CYB5R3: variants seen among roughly 807,000 people sequenced by gnomAD.
CYB5R3 encodes NADH-cytochrome b5 reductase 3.
In CYB5R3, 28 loss-of-function variants were observed where a neutral mutation model predicts 36.5. The ratio of observed to expected loss-of-function variants is 0.77; its 90% CI spans 0.57 to 1.05. The LOEUF is 1.05. Ranked by LOEUF, CYB5R3 falls within the 50% of genes least tolerant of loss-of-function variation. The probability of loss-of-function intolerance (pLI) is 0.00; values close to 1 mark genes in which losing one functional copy is unlikely to be tolerated. For missense variants in CYB5R3, 474 were observed against 408.9 expected (o/e 1.16, Z -1.37); for synonymous variants, 181 against 159.8 (o/e 1.13, Z -1.00).
At chr22:42,624,374 T>C (rs1928155060) in intron 7 of CYB5R3, among the ~76,000 whole-genome samples, 2 of 152,138 alleles carry the variant, frequency 1.3e-5, no homozygotes, top group African/African-American at 4.8e-5. Context: ...ATTCAGGTTG[T>C]ACCTCCAGAA....
intron 4 of CYB5R3, 60 bp from the exon 5 acceptor site, chr22:42,628,341 C>T: frequency 5.0e-6 from 8 of 1,605,556 alleles, no homozygotes; most frequent in Non-Finnish European, 6.8e-6. Flanking sequence ...CGAGCTCTTG[C>T]CCACAGTGGG....
chr22:42,628,114 A>G (rs1928391550), intron 5 of CYB5R3, 38 bp downstream of exon 5: 4 of 1,612,926 alleles, frequency 2.5e-6, no homozygotes, highest in Middle Eastern at 1.7e-4. Context: ...CAATTCTCTG[A>G]GCCTGCCGTG....
At chr22:42,636,983 A>G in intron 1 of CYB5R3, 137 bp from the exon 2 acceptor site, 1 of 1,250,660 alleles carries the variant, frequency 8.0e-7, no homozygotes, top group Non-Finnish European at 1.1e-6. Context: ...CTCATCCAGA[A>G]AGCTTCATCA....
At chr22:42,637,030 C>G (rs1752031565) in intron 1 of CYB5R3, 184 bp from the exon 2 acceptor site, 1 of 739,116 alleles carries the variant, frequency 1.4e-6, no homozygotes, top group Admixed American at 2.1e-5. Flanking sequence ...CTATAAAGAC[C>G]AGCCTCATGA....
At chr22:42,623,959 C>T (rs8190461) in intron 7 of CYB5R3, 71 bp from the exon 8 acceptor site, 55 of 1,380,512 alleles carry the variant, frequency 4.0e-5, no homozygotes, top group Admixed American at 1.7e-4. Context: ...TCAACAGAGA[C>T]GCGCCTCGTC....
intron 2 of CYB5R3, 79 bp from the exon 3 acceptor site, chr22:42,631,529 A>G: frequency 8.0e-7 from 1 of 1,246,148 alleles, no homozygotes. Flanking sequence ...CGGAGCCCCC[A>G]TCCCATTCCT....
intron 8 of CYB5R3, among the ~76,000 whole-genome samples, chr22:42,623,424 T>C (rs1489345199): frequency 2.0e-5 from 3 of 152,298 alleles, no homozygotes; most frequent in East Asian, 1.9e-4. Context: ...CCTGAGAGTA[T>C]GCACGCTGGG....
rs2146893183 is a variant in CYB5R3 at position 42,636,416 on chromosome 22, C to T, written c.153+299G>A. Among the ~76,000 whole-genome samples, 2 of 152,242 alleles carry T rather than the reference C, an allele frequency of 1.3e-5. 1 individual carries two copies. Among genetic ancestry groups the T allele is most frequent in the Middle Eastern group, 6.8e-3 (2 of 294 alleles). ...TTATCTTCAAATCTCTCACCCCCTGCATTCCTACCCCATAAATGGGGGATT... is the reference window on the plus strand; with the variant it reads ...TTATCTTCAAATCTCTCACCCCCTGTATTCCTACCCCATAAATGGGGGATT... On this transcript the variant is annotated intron_variant, in intron 2 of 8. Coordinates refer to ENST00000352397, the MANE Select transcript of CYB5R3 (RefSeq NM_000398.7).
intron 2 of CYB5R3, among the ~76,000 whole-genome samples, chr22:42,635,065 G>C (rs529412711): frequency 6.6e-6 from 1 of 151,800 alleles, no homozygotes; most frequent in South Asian, 2.1e-4. Context: ...CGCCTCCCAG[G>C]TTCACGTCAT....
At chr22:42,621,607 T>C (rs561329392) in intron 8 of CYB5R3, among the ~76,000 whole-genome samples, 19 of 152,366 alleles carry the variant, frequency 1.2e-4, no homozygotes, top group Non-Finnish European at 2.5e-4. Context: ...GCAACAAATG[T>C]ACACGAAAAA....
At chr22:42,622,349 G>A (rs1244197211) in intron 8 of CYB5R3, among the ~76,000 whole-genome samples, 4 of 151,946 alleles carry the variant, frequency 2.6e-5, no homozygotes, top group East Asian at 1.9e-4. Context: ...CACCATAACC[G>A]CGCTATAATT....
chr22:42,628,189 G>C lies in CYB5R3; in HGVS notation c.426C>G (p.Phe142Leu), dbSNP rs1209654030. Residue 142 changes from phenylalanine to leucine, a missense_variant, in exon 5 of 9, where the codon TTC (phenylalanine) becomes TTG (leucine). By Grantham distance (22) the Phe-to-Leu change is conservative (BLOSUM62 0). Transcript: ENST00000352397. Reference sequence around the variant, plus strand: ...AGACCAGCAGCCCACTGGGGCCCCGGAACTCAATGGTGTCTCCAATCTGCA... The same window carrying C: ...AGACCAGCAGCCCACTGGGGCCCCGCAACTCAATGGTGTCTCCAATCTGCA... ...ESMQIGDTIE[F>L]RGPSGLLVYQ... is the part of the protein sequence containing the mutation. 6.2e-7 allele frequency: 1 copy of C among 1,613,952 alleles called. No homozygotes were observed. The highest frequency in any genetic ancestry group is 8.5e-7 in the Non-Finnish European group (1 of 1,179,956).
chr22:42,620,006 G>T, intron 8 of CYB5R3, 61 bp from the exon 9 acceptor site: 3 of 1,464,582 alleles, frequency 2.0e-6, no homozygotes, highest in South Asian at 2.4e-5. Context: ...CCTGCTGACC[G>T]ACCAACCCTA....
In CYB5R3 at chr22:42,619,895, G is replaced by C. The variant is rs747631063; in HGVS notation, c.784C>G (p.Leu262Val). ...FVNEEMIRDH[L>V]PPPEEEPLVL... ...AGCGGCTCCTCCTCTGGGGGTGGAA[G>C]GTGGTCCCGGATCATCTCCTCATTC... The change falls in exon 9 of 9, where the codon CTT (leucine) becomes GTT (valine). Residue 262 changes from leucine (L) to valine (V), a missense_variant. Physicochemically the swap from Leu to Val is conservative, Grantham distance 32. Transcript: ENST00000352397. 3 of 1,608,168 alleles carry C rather than the reference G, an allele frequency of 1.9e-6. No individual in the cohort carries two copies. The highest frequency in any genetic ancestry group is 2.2e-5 in the East Asian group (1 of 44,688).
intron 1 of CYB5R3, chr22:42,646,874 G>T: frequency 2.0e-6 from 2 of 985,556 alleles, no homozygotes; most frequent in Non-Finnish European, 2.4e-6. Flanking sequence ...AGGAAAGCCC[G>T]GCAGACTGTA....
At position 42,636,090 on chromosome 22, in the gene CYB5R3, C is replaced by G. The variant is rs182031206; in HGVS notation, c.153+625G>C. On this transcript the variant is annotated intron_variant, in intron 2 of 8. Transcript: ENST00000352397. ...ATTAGGCTGGGCGCGGTGGCTCACGCCTGTAATCGCAGCTACTCAGGGGGC... is the reference window on the plus strand; with the variant it reads ...ATTAGGCTGGGCGCGGTGGCTCACGGCTGTAATCGCAGCTACTCAGGGGGC... 6.0e-3 allele frequency among the ~76,000 whole-genome samples: 906 copies of G among 152,236 alleles called. 12 individuals carry two copies. Among genetic ancestry groups the G allele is most frequent in the African/African-American group, 0.02 (819 of 41,540 alleles).
At chr22:42,638,412 A>G (rs1428063391) in intron 1 of CYB5R3, among the ~76,000 whole-genome samples, 1 of 148,330 alleles carries the variant, frequency 6.7e-6, no homozygotes, top group Non-Finnish European at 1.5e-5. Context: ...AAAAAAAAAA[A>G]AAAAAAAGTT....
Position 42,631,067 on chromosome 22 carries a change from G to A in CYB5R3, c.227-79C>T. 4 of 1,268,950 alleles carry A rather than the reference G, an allele frequency of 3.2e-6. No homozygotes were observed. The South Asian group carries it at 5.0e-5, about 16-fold the overall frequency. The allele number at this position is 1,268,950 out of a possible 1,614,324, so 78.6% of individuals were successfully genotyped here. ...CTGGGTCTTGTCAACCCACTCCCCTGCACCCCACCCGGCATTCAAAGCCTG... is the reference window on the plus strand; with the variant it reads ...CTGGGTCTTGTCAACCCACTCCCCTACACCCCACCCGGCATTCAAAGCCTG... On this transcript the variant is annotated intron_variant, in intron 3 of 8. Transcript: ENST00000352397.
chr22:42,628,089 CA>C, intron 5 of CYB5R3, 62 bp downstream of exon 5: 1 of 1,608,746 alleles, frequency 6.2e-7, no homozygotes, highest in Non-Finnish European at 8.5e-7. Context: ...CTGCACCCAG[CA>C]CGCCCAAGCT....
Sources: gnomAD v4.1 joint callset for allele counts (sites outside exome capture counted in the v4.1 genomes callset) on GRCh38, gnomAD v4.1.1 for gene constraint, MANE v1.5 for transcripts, NCBI Gene and HGNC (gene_info 2026-07-23, HGNC 2026-07-21) for gene names.